The following MCTP1 variants were observed in gnomAD, a reference collection of about 807,000 sequenced individuals.
The protein encoded by MCTP1 is multiple C2 and transmembrane domain containing 1.
MCTP1 carries 69 observed loss-of-function variants against 120.6 expected under a neutral mutation model. That is an observed-to-expected ratio of 0.57 (90% CI 0.47 to 0.70). MCTP1 has a LOEUF of 0.70. MCTP1 is among the 30% of genes least tolerant of loss of function. MCTP1 has a pLI of 0.00. For synonymous variants in MCTP1, 529 were observed against 493.1 expected (o/e 1.07, Z -0.96); for missense variants, 1,203 against 1,248.8 (o/e 0.96, Z 0.55).
chr5:95,095,604 C>T (rs926954830), intron 1 of MCTP1, among the ~76,000 whole-genome samples: 10 of 152,272 alleles, frequency 6.6e-5, no homozygotes, highest in Non-Finnish European at 1.5e-4. Context: ...GCTACCTTTA[C>T]GAAAAGAAGG....
chr5:95,275,763 A>G (rs1307378318), intron 1 of MCTP1, among the ~76,000 whole-genome samples: 1 of 152,170 alleles, frequency 6.6e-6, no homozygotes, highest in Non-Finnish European at 1.5e-5. Flanking sequence ...CCAAAGTCCC[A>G]TAGCAAAATG....
chr5:94,917,680 T>C (rs772459924), intron 8 of MCTP1, among the ~76,000 whole-genome samples: 3 of 152,206 alleles, frequency 2.0e-5, no homozygotes, highest in Non-Finnish European at 4.4e-5. Context: ...GTCCATAACA[T>C]GTATCTTTAG....
chr5:95,200,199 A>G (rs1020035623), intron 1 of MCTP1, among the ~76,000 whole-genome samples: 1 of 152,018 alleles, frequency 6.6e-6, no homozygotes, highest in Non-Finnish European at 1.5e-5. Context: ...ACAAAAGATA[A>G]ATATTGACAA....
At chr5:95,066,037 CACAACAATGCAA>C (rs1166459877) in intron 1 of MCTP1, among the ~76,000 whole-genome samples, 2 of 152,084 alleles carry the variant, frequency 1.3e-5, no homozygotes. Flanking sequence ...AAAAGCTCTG[CACAACAATGCAA>C]ACATCAACAG....
At chr5:94,796,544 A>C (rs1390524646) in intron 18 of MCTP1, among the ~76,000 whole-genome samples, 2 of 141,218 alleles carry the variant, frequency 1.4e-5, no homozygotes, top group African/African-American at 5.5e-5. Context: ...ACTTTCCCTA[A>C]ATTCGTATAT....
At chr5:94,771,080 G>A (rs143110210) in intron 19 of MCTP1, among the ~76,000 whole-genome samples, 1 of 152,234 alleles carries the variant, frequency 6.6e-6, no homozygotes, top group East Asian at 1.9e-4. Flanking sequence ...GTAGAAGCTT[G>A]CTTTGGAATT....
chr5:95,041,074 AG>A (rs1283802813), intron 1 of MCTP1, among the ~76,000 whole-genome samples: 2 of 151,996 alleles, frequency 1.3e-5, no homozygotes, highest in African/African-American at 4.8e-5. Context: ...AGTCAGTTCG[AG>A]TTTTTTTTTG....
intron 17 of MCTP1, among the ~76,000 whole-genome samples, chr5:94,852,070 T>C (rs1183845808): frequency 6.6e-6 from 1 of 151,930 alleles, no homozygotes; most frequent in East Asian, 1.9e-4. Flanking sequence ...GCCAAAATTT[T>C]AAGAAAGATT....
intron 19 of MCTP1, among the ~76,000 whole-genome samples, chr5:94,770,979 C>T (rs899921599): frequency 6.6e-6 from 1 of 152,150 alleles, no homozygotes; most frequent in African/African-American, 2.4e-5. Context: ...AACTGAAAAG[C>T]CATAGTCAAA....
In MCTP1 at chr5:94,730,465, T is replaced by C. The variant is rs1762917854; in HGVS notation, c.2611-15579A>G. On this transcript the variant is annotated intron_variant, in intron 19 of 22. Transcript: ENST00000515393. ...CACACCTGGCCGAGGCTGATTTTAC[T>C]GCCCTAGGGAAGAGTGGAGCAGGAG... Among the ~76,000 whole-genome samples the C allele has an allele frequency of 5.3e-5, 8 of 152,188 alleles. No homozygotes were observed. In the South Asian group the frequency reaches 1.7e-3, roughly 32 times the overall value.
intron 5 of MCTP1, among the ~76,000 whole-genome samples, chr5:94,938,429 G>T (rs1240529566): frequency 6.6e-6 from 1 of 151,946 alleles, no homozygotes; most frequent in Non-Finnish European, 1.5e-5. Flanking sequence ...CATGGCCTTT[G>T]TGTGTGTTGT....
chr5:95,135,401 TATC>T (rs370515137), intron 1 of MCTP1, among the ~76,000 whole-genome samples: 44 of 152,324 alleles, frequency 2.9e-4, no homozygotes, highest in African/African-American at 1.0e-3. Context: ...TTGAATGAAA[TATC>T]ATTAGCTTTA....
chr5:94,974,542 C>T (rs966204521), intron 2 of MCTP1, among the ~76,000 whole-genome samples: 5 of 151,986 alleles, frequency 3.3e-5, no homozygotes, highest in African/African-American at 1.2e-4. Context: ...GAGCAAGACC[C>T]TATCCCTGAA....
At chr5:95,142,209 A>G (rs1370187645) in intron 1 of MCTP1, among the ~76,000 whole-genome samples, 1 of 152,194 alleles carries the variant, frequency 6.6e-6, no homozygotes, top group Admixed American at 6.5e-5. Flanking sequence ...TTAACAACAC[A>G]GATTTTAGCT....
intron 19 of MCTP1, among the ~76,000 whole-genome samples, chr5:94,757,280 T>TA: frequency 1.3e-5 from 2 of 152,230 alleles, no homozygotes; most frequent in African/African-American, 4.8e-5. Context: ...AGCTGAGTCT[T>TA]AAAAAATGGA....
At chr5:94,755,204 T>C (rs1156657693) in intron 19 of MCTP1, among the ~76,000 whole-genome samples, 1 of 152,180 alleles carries the variant, frequency 6.6e-6, no homozygotes, top group Non-Finnish European at 1.5e-5. Context: ...CTTCAACACC[T>C]GTGCTCCTCA....
At chr5:95,016,437 A>G (rs1837124875) in intron 2 of MCTP1, among the ~76,000 whole-genome samples, 1 of 152,144 alleles carries the variant, frequency 6.6e-6, no homozygotes, top group African/African-American at 2.4e-5. Context: ...TCCTTTAGAT[A>G]TAGGAGACAA....
chr5:94,993,005 T>G (rs1026305099), intron 2 of MCTP1, among the ~76,000 whole-genome samples: 36 of 152,232 alleles, frequency 2.4e-4, no homozygotes, highest in African/African-American at 7.7e-4. Context: ...AGCCATTTAT[T>G]TTAGTTATTC....
intron 1 of MCTP1, among the ~76,000 whole-genome samples, chr5:95,031,203 C>G (rs905961807): frequency 6.6e-6 from 1 of 151,690 alleles, no homozygotes; most frequent in African/African-American, 2.4e-5. Context: ...ACTCAGAAAA[C>G]TTATTTCAGG....
Sources: allele counts gnomAD v4.1 joint callset (sites outside exome capture counted in the v4.1 genomes callset), GRCh38; gene constraint gnomAD v4.1.1; transcripts MANE v1.5; gene names NCBI Gene and HGNC (gene_info 2026-07-23, HGNC 2026-07-21).